Variants in FCRL4 observed in about 807,000 individuals in gnomAD.
The protein encoded by FCRL4 is Fc receptor-like protein 4.
Under a neutral mutation model 64.1 loss-of-function variants are expected in FCRL4, and 43 were observed. The ratio of observed to expected loss-of-function variants is 0.67; its 90% CI spans 0.53 to 0.87. The LOEUF (loss-of-function observed/expected upper bound fraction) is 0.87. Ranked by LOEUF, FCRL4 falls within the 40% of genes least tolerant of loss-of-function variation. FCRL4 has a pLI of 0.00. For missense variants in FCRL4, 656 were observed against 613.5 expected (o/e 1.07, Z -0.73); for synonymous variants, 253 against 239.8 (o/e 1.05, Z -0.51).
chr1:157,578,362 C>G, intron 10 of FCRL4, 112 bp downstream of exon 10: 5 of 888,040 alleles, frequency 5.6e-6, no homozygotes, highest in Non-Finnish European at 9.1e-6. Context: ...GCCTTGTTTA[C>G]TGATTGACTT....
In FCRL4 at chr1:157,581,615, C is replaced by A. The variant is rs143188744; in HGVS notation, c.1165G>T (p.Ala389Ser). ...AGCAGCCCTCCAGTGGCTCCCGCGG[C>A]GACAAGGCCATCTCTGTTGCCTGGG... is the stretch of plus-strand genomic sequence containing the variant. Reference protein sequence around the residue: ...ETPGNRDGLVAAGATGGLLSA... With the variant: ...ETPGNRDGLVSAGATGGLLSA... The change falls in exon 7 of 12, where the codon GCC becomes TCC. Residue 389 changes from alanine (A) to serine (S), a missense_variant. By Grantham distance (99) the Ala-to-Ser change is moderately conservative. Coordinates refer to ENST00000271532, the MANE Select transcript of FCRL4 (RefSeq NM_031282.3). 1 of 1,613,986 alleles carries A rather than the reference C, an allele frequency of 6.2e-7. No individual in the cohort carries two copies. The highest frequency in any genetic ancestry group is 8.5e-7 in the Non-Finnish European group (1 of 1,179,976).
intron 2 of FCRL4, among the ~76,000 whole-genome samples, chr1:157,593,088 G>A (rs527250508): frequency 1.3e-5 from 2 of 152,140 alleles, no homozygotes; most frequent in Admixed American, 6.5e-5. Context: ...ACCTGTCAGG[G>A]GTTGGAGGGC....
chr1:157,593,768 T>C (rs1652892486), intron 2 of FCRL4, among the ~76,000 whole-genome samples: 1 of 152,240 alleles, frequency 6.6e-6, no homozygotes, highest in Non-Finnish European at 1.5e-5. Context: ...GAAGAAACTG[T>C]TTCCGAGGCT....
chr1:157,581,385 C>T (rs61369206), intron 7 of FCRL4, 146 bp downstream of exon 7: 26 of 631,196 alleles, frequency 4.1e-5, no homozygotes, highest in East Asian at 1.1e-4. Context: ...AAGGAAGGGA[C>T]GGACGTGAGT....
Position 157,578,771 on chromosome 1 carries a change from A to T in FCRL4, c.1359T>A (p.Asp453Glu). The change falls in exon 9 of 12, where the codon GAT becomes GAA. Residue 453 changes from aspartate (D) to glutamate (E), a missense_variant and splice_region_variant. Coordinates refer to ENST00000271532, the MANE Select transcript of FCRL4 (RefSeq NM_031282.3). ...AGCTTCCTAGAAGGGAATCCTCACC[A>T]TCAACATACAACGACTGAAGCTCCA... ...AQVELQSLYV[D>E]VHPKKGDLVY... The T allele has an allele frequency of 6.2e-7, 1 of 1,613,832 alleles. No individual in the cohort carries two copies. The highest frequency in any genetic ancestry group is 1.1e-5 in the South Asian group (1 of 91,064).
At chr1:157,583,352 C>T (rs963210201) in intron 6 of FCRL4, among the ~76,000 whole-genome samples, 18 of 152,122 alleles carry the variant, frequency 1.2e-4, no homozygotes, top group African/African-American at 4.1e-4. Flanking sequence ...TCCCACACAG[C>T]CCTACCCCAG....
chr1:157,596,262 T>C (rs1652961959), intron 2 of FCRL4, 66 bp downstream of exon 2: 1 of 1,527,634 alleles, frequency 6.5e-7, no homozygotes, highest in Non-Finnish European at 9.1e-7. Flanking sequence ...CTTGTAAGTA[T>C]TTGAGATAAA....
intron 6 of FCRL4, among the ~76,000 whole-genome samples, chr1:157,584,913 A>C (rs1206847848): frequency 6.6e-6 from 1 of 150,874 alleles, no homozygotes; most frequent in African/African-American, 2.4e-5. Context: ...ACTTTAAAAA[A>C]GTATCTGCTG....
At position 157,575,583 on chromosome 1, in the gene FCRL4, T is replaced by C; in HGVS notation, c.1489A>G (p.Lys497Glu). Residue 497 changes from lysine (K) to glutamate (E), a missense_variant, in exon 12 of 12, where the codon AAG (lysine) becomes GAG (glutamate). Transcript: ENST00000271532. ...GCTGAGTTATCTGGGTGTTGTGTCT[T>C]TACCTCAGAGTAGACAACTGAGACA... ...KDVSVVYSEV[K>E]TQHPDNSAGK... 6.2e-7 allele frequency: 1 copy of C among 1,613,896 alleles called. No homozygotes were observed. The highest frequency in any genetic ancestry group is 8.5e-7 in the Non-Finnish European group (1 of 1,179,800).
chr1:157,590,104 A>T (rs565346543), intron 2 of FCRL4, among the ~76,000 whole-genome samples: 12 of 152,332 alleles, frequency 7.9e-5, no homozygotes, highest in African/African-American at 2.9e-4. Flanking sequence ...TTAAATATGC[A>T]TAAAAACCCT....
At chr1:157,585,567 T>C (rs1021209662) in intron 6 of FCRL4, among the ~76,000 whole-genome samples, 3 of 152,014 alleles carry the variant, frequency 2.0e-5, no homozygotes, top group African/African-American at 7.3e-5. Context: ...GGAAGAGATG[T>C]ATATGAGCTA....
rs779927177 is a variant in FCRL4, at chr1:157,575,664, T to C, written c.1461+35A>G. The C allele has an allele frequency of 3.7e-6, 6 of 1,612,620 alleles. No homozygotes were observed. In the South Asian group the frequency reaches 6.6e-5, roughly 18 times the overall value. On this transcript the variant is annotated intron_variant, in intron 11 of 11. Transcript: ENST00000271532. The stretch of plus-strand genomic sequence containing the variant: ...AGAGGGAGTGTGAGGCTGCAGGTAA[T>C]GGTGGAGATAAAACTGTGGGGAAAT...
chr1:157,580,283 G>A (rs200548642), intron 8 of FCRL4, 38 bp downstream of exon 8: 64 of 1,612,178 alleles, frequency 4.0e-5, no homozygotes, highest in Middle Eastern at 1.7e-4. Flanking sequence ...TTGTGTACTC[G>A]GGAAACTAAA....
rs367654161 is a variant in FCRL4, at chr1:157,575,737, A to G, written c.1430-7T>C. On this transcript the variant is annotated splice_polypyrimidine_tract_variant and splice_region_variant and intron_variant, in intron 10 of 11. Coordinates refer to ENST00000271532, the MANE Select transcript of FCRL4 (RefSeq NM_031282.3). ...AGTGTCCTGGAGGTATTAGCTGTGG[A>G]CAGAAAGAGAATCACTGGACTATGG... The G allele has an allele frequency of 2.7e-5, 43 of 1,613,514 alleles. No individual in the cohort carries two copies. The African/African-American group carries it at 4.8e-4, about 18-fold the overall frequency.
chr1:157,582,740 A>G (rs1357805308), intron 6 of FCRL4, among the ~76,000 whole-genome samples: 1 of 152,198 alleles, frequency 6.6e-6, no homozygotes, highest in African/African-American at 2.4e-5. Context: ...CCTTTGACCT[A>G]TGAGTGGTTC....
chr1:157,594,867 G>C (rs1235429059), intron 2 of FCRL4, among the ~76,000 whole-genome samples: 2 of 152,056 alleles, frequency 1.3e-5, no homozygotes, highest in African/African-American at 2.4e-5. Context: ...TGTTCTGTTT[G>C]GTAAGGTGAA....
chr1:157,595,287 C>T (rs1442276996), intron 2 of FCRL4, among the ~76,000 whole-genome samples: 2 of 152,238 alleles, frequency 1.3e-5, no homozygotes, highest in Non-Finnish European at 2.9e-5. Flanking sequence ...GGCTGTGTTT[C>T]TGCTGAAGAG....
At chr1:157,597,835 G>A in intron 1 of FCRL4, 79 bp downstream of exon 1, 1 of 1,115,720 alleles carries the variant, frequency 9.0e-7, no homozygotes, top group South Asian at 1.4e-5. Flanking sequence ...ATCCATGATT[G>A]CAGCAGCAGA....
intron 1 of FCRL4, among the ~76,000 whole-genome samples, chr1:157,597,526 G>T (rs1405240098): frequency 6.6e-6 from 1 of 152,162 alleles, no homozygotes; most frequent in Non-Finnish European, 1.5e-5. Flanking sequence ...ATTCTCAGCA[G>T]GTGATCCTTT....
Sources: gnomAD v4.1 joint callset for allele counts (sites outside exome capture counted in the v4.1 genomes callset) on GRCh38, gnomAD v4.1.1 for gene constraint, MANE v1.5 for transcripts, NCBI Gene and HGNC (gene_info 2026-07-23, HGNC 2026-07-21) for gene names.